The following CACNA1C variants were observed in gnomAD, a reference collection of about 807,000 sequenced individuals.
The protein encoded by CACNA1C is voltage-dependent L-type calcium channel subunit alpha-1C.
CACNA1C carries 30 observed loss-of-function variants against 229.0 expected under a neutral mutation model. The observed-to-expected ratio is 0.13, with a 90% CI of 0.10 to 0.18. The LOEUF (loss-of-function observed/expected upper bound fraction) is 0.18. Among genes scored for constraint, CACNA1C ranks in the 10% least tolerant of loss-of-function variants. The pLI is 1.00. For missense variants in CACNA1C, 1,658 were observed against 2,845.0 expected (o/e 0.58, Z 9.49); for synonymous variants, 1,114 against 1,132.5 (o/e 0.98, Z 0.33).
intron 18 of CACNA1C, among the ~76,000 whole-genome samples, chr12:2,586,722 G>A (rs978791517): frequency 7.2e-5 from 11 of 152,288 alleles, no homozygotes; most frequent in East Asian, 1.9e-4. Context: ...AGCAAAGCTC[G>A]GTTTCCCTTT....
chr12:2,674,445 G>A, intron 38 of CACNA1C, 96 bp from the exon 39 acceptor site: 3 of 1,482,630 alleles, frequency 2.0e-6, no homozygotes, highest in Non-Finnish European at 2.7e-6. Flanking sequence ...GGGTTGCGTG[G>A]GGCAGATGCC....
intron 5 of CACNA1C, among the ~76,000 whole-genome samples, chr12:2,458,685 G>A (rs2099464445): frequency 6.6e-6 from 1 of 152,188 alleles, no homozygotes; most frequent in African/African-American, 2.4e-5. Context: ...CGAATGCACA[G>A]CCTCTCCTAC....
At chr12:2,562,114 T>G (rs1600159428) in intron 11 of CACNA1C, among the ~76,000 whole-genome samples, 1 of 138,488 alleles carries the variant, frequency 7.2e-6, no homozygotes, top group African/African-American at 2.8e-5. Flanking sequence ...CCCAAATGGG[T>G]CTGCTCAGGA....
rs2097642565 is a variant in CACNA1C at position 2,688,431 on chromosome 12, C to G, written c.5785-16C>G. 1 of 1,613,014 alleles carries G rather than the reference C, an allele frequency of 6.2e-7. No homozygotes were observed. On this transcript the variant is annotated splice_polypyrimidine_tract_variant and intron_variant, in intron 45 of 46. Coordinates refer to ENST00000399655, the MANE Select transcript of CACNA1C (RefSeq NM_000719.7). The stretch of plus-strand genomic sequence containing the variant: ...TCGGCCACTCCTATTAACTCACACT[C>G]CTTGTGTGTCCGCAGGCATTGGCAG...
At chr12:2,380,982 G>T (rs1352847755) in intron 3 of CACNA1C, among the ~76,000 whole-genome samples, 1 of 152,208 alleles carries the variant, frequency 6.6e-6, no homozygotes, top group African/African-American at 2.4e-5. Context: ...TGGGGAGGGG[G>T]ACTGAGGTGT....
At chr12:2,059,371 G>A (rs1282074174) in intron 1 of CACNA1C, among the ~76,000 whole-genome samples, 1 of 151,652 alleles carries the variant, frequency 6.6e-6, no homozygotes, top group Non-Finnish European at 1.5e-5. Context: ...TAGGAGAGAA[G>A]TTTGGGCCTG....
chr12:2,326,781 T>A (rs984526488), intron 3 of CACNA1C, among the ~76,000 whole-genome samples: 3 of 152,204 alleles, frequency 2.0e-5, no homozygotes, highest in African/African-American at 7.2e-5. Flanking sequence ...ACTTGATCGA[T>A]CTCTCCTCAT....
intron 3 of CACNA1C, among the ~76,000 whole-genome samples, chr12:2,309,700 A>AAAT (rs1436349502): frequency 2.0e-5 from 3 of 152,252 alleles, no homozygotes; most frequent in African/African-American, 7.2e-5. Flanking sequence ...AAATAAAAGT[A>AAAT]AATAAGAAGA....
chr12:2,041,346 G>A lies in CACNA1C; in HGVS notation c.139+70145G>A, dbSNP rs1179900556. On this transcript the variant is annotated intron_variant, in intron 1 of 46. Coordinates refer to the CACNA1C transcript ENST00000682462. ...GGCCAGAGTGCAGTGGCGCTGTCTT[G>A]GCTCACTGCAAGCTCTGCCTCCCAG... 6.6e-5 allele frequency among the ~76,000 whole-genome samples: 9 copies of A among 136,072 alleles called. No individual in the cohort carries two copies. In the Admixed American group the frequency reaches 6.9e-4, roughly 10 times the overall value. 89.3% of individuals were successfully genotyped at this position (136,072 alleles called of 152,430 possible).
intron 3 of CACNA1C, among the ~76,000 whole-genome samples, chr12:2,416,114 A>G (rs941523793): frequency 2.6e-5 from 4 of 152,076 alleles, no homozygotes; most frequent in Admixed American, 2.6e-4. Flanking sequence ...TCCTTCTCAG[A>G]GAGGCCTCTC....
At chr12:2,292,366 G>A (rs1017513906) in intron 3 of CACNA1C, among the ~76,000 whole-genome samples, 5 of 152,200 alleles carry the variant, frequency 3.3e-5, no homozygotes, top group Non-Finnish European at 7.3e-5. Flanking sequence ...TTCCATGCAC[G>A]TTTATTGTGT....
chr12:2,177,678 C>A (rs1276357651), intron 3 of CACNA1C, among the ~76,000 whole-genome samples: 5 of 149,806 alleles, frequency 3.3e-5, no homozygotes, highest in Admixed American at 6.7e-5. Context: ...GCTCTGTTGC[C>A]CAGGCTGGAG....
At chr12:2,388,512 T>C (rs2098433794) in intron 3 of CACNA1C, among the ~76,000 whole-genome samples, 1 of 152,234 alleles carries the variant, frequency 6.6e-6, no homozygotes, top group African/African-American at 2.4e-5. Flanking sequence ...GATTTGATGA[T>C]GGAGGTGAGG....
intron 11 of CACNA1C, among the ~76,000 whole-genome samples, chr12:2,560,928 G>A (rs531572175): frequency 2.7e-5 from 4 of 147,278 alleles, no homozygotes; most frequent in African/African-American, 7.4e-5. Flanking sequence ...TTTTGATGTT[G>A]TCGACGATTC....
At chr12:2,590,463 C>T (rs1221460089) in intron 18 of CACNA1C, among the ~76,000 whole-genome samples, 1 of 152,164 alleles carries the variant, frequency 6.6e-6, no homozygotes, top group African/African-American at 2.4e-5. Context: ...CAAAATGAGC[C>T]TTGCCTGACT....
chr12:2,546,725 C>A (rs2099881929), intron 9 of CACNA1C, among the ~76,000 whole-genome samples: 1 of 152,358 alleles, frequency 6.6e-6, no homozygotes, highest in Middle Eastern at 3.4e-3. Flanking sequence ...TTACAAACTT[C>A]CTCAAATGAC....
chr12:2,063,116 A>T (rs1189835716), intron 1 of CACNA1C, among the ~76,000 whole-genome samples: 1 of 149,980 alleles, frequency 6.7e-6, no homozygotes, highest in Admixed American at 6.6e-5. Flanking sequence ...TTTTGTCTCT[A>T]TGGATTTTCA....
intron 3 of CACNA1C, among the ~76,000 whole-genome samples, chr12:2,267,734 T>C (rs1476733): frequency 0.96 from 146,957 of 152,304 alleles, 70,944 homozygotes; most frequent in East Asian, 1. Flanking sequence ...TGCACTCAGC[T>C]TCCCGCCCTC....
intron 1 of CACNA1C, among the ~76,000 whole-genome samples, chr12:2,047,519 C>T (rs1028326236): frequency 3.9e-5 from 6 of 152,178 alleles, no homozygotes; most frequent in South Asian, 2.1e-4. Flanking sequence ...CCAGGCTCTT[C>T]GCTGTATTTA....
Sources: gnomAD v4.1 joint callset for allele counts (sites outside exome capture counted in the v4.1 genomes callset) on GRCh38, gnomAD v4.1.1 for gene constraint, MANE v1.5 for transcripts, NCBI Gene and HGNC (gene_info 2026-07-23, HGNC 2026-07-21) for gene names.